OPCML: variants seen among roughly 807,000 people sequenced by gnomAD.
The protein encoded by OPCML is opioid-binding protein/cell adhesion molecule.
OPCML carries 13 observed loss-of-function variants against 37.8 expected under a neutral mutation model. The ratio of observed to expected loss-of-function variants is 0.34; its 90% CI spans 0.22 to 0.55. The LOEUF (loss-of-function observed/expected upper bound fraction) is 0.55. Ranked by LOEUF, OPCML falls within the 20% of genes least tolerant of loss-of-function variation. The pLI, the probability that OPCML is intolerant of heterozygous loss-of-function variation, is 0.91. For missense variants in OPCML, 341 were observed against 435.6 expected (o/e 0.78, Z 1.93); for synonymous variants, 176 against 168.8 (o/e 1.04, Z -0.33).
intron 3 of OPCML, among the ~76,000 whole-genome samples, chr11:132,638,832 T>C (rs1414925642): frequency 6.6e-6 from 1 of 152,164 alleles, no homozygotes; most frequent in Non-Finnish European, 1.5e-5. Context: ...TTAAAACCCC[T>C]AACCTCTAAG....
chr11:132,998,617 C>T (rs558754145), intron 1 of OPCML, among the ~76,000 whole-genome samples: 4 of 152,290 alleles, frequency 2.6e-5, no homozygotes, highest in African/African-American at 7.2e-5. Flanking sequence ...CTCTTCTATG[C>T]TCTGAATGTT....
chr11:133,034,234 C>A (rs1174207110), intron 1 of OPCML, among the ~76,000 whole-genome samples: 2 of 151,692 alleles, frequency 1.3e-5, no homozygotes, highest in Non-Finnish European at 2.9e-5. Context: ...GGCAGTAGAT[C>A]CCAACCAGCT....
chr11:132,862,747 C>T (rs1942361437), intron 2 of OPCML, among the ~76,000 whole-genome samples: 1 of 152,184 alleles, frequency 6.6e-6, no homozygotes, highest in Admixed American at 6.5e-5. Context: ...CTAGCCTTCC[C>T]TTGCCTCATC....
At chr11:133,219,642 C>T (rs1377863898) in intron 1 of OPCML, among the ~76,000 whole-genome samples, 2 of 152,160 alleles carry the variant, frequency 1.3e-5, no homozygotes, top group East Asian at 3.9e-4. Flanking sequence ...AACAAGCCTC[C>T]AGGCGCTGCT....
At chr11:132,880,115 T>A (rs1358967993) in intron 2 of OPCML, among the ~76,000 whole-genome samples, 1 of 152,218 alleles carries the variant, frequency 6.6e-6, no homozygotes, top group Non-Finnish European at 1.5e-5. Context: ...TATCCCTTCA[T>A]CTTTGTATTC....
chr11:132,928,199 A>T (rs1407517804), intron 2 of OPCML, among the ~76,000 whole-genome samples: 1 of 152,030 alleles, frequency 6.6e-6, no homozygotes, highest in Non-Finnish European at 1.5e-5. Context: ...AGAATGGATT[A>T]AAAAACAGCA....
intron 3 of OPCML, among the ~76,000 whole-genome samples, chr11:132,576,969 A>G (rs2096452462): frequency 6.6e-6 from 1 of 152,192 alleles, no homozygotes; most frequent in Middle Eastern, 3.4e-3. Context: ...TCACAGTCTG[A>G]CCCCATTCAG....
At chr11:133,449,625 C>T (rs1293177700) in intron 1 of OPCML, among the ~76,000 whole-genome samples, 1 of 148,268 alleles carries the variant, frequency 6.7e-6, no homozygotes, top group Admixed American at 6.6e-5. Flanking sequence ...CATTCCTTCG[C>T]TTGTAGCGGC....
At chr11:132,574,690 A>G (rs767976632) in intron 3 of OPCML, among the ~76,000 whole-genome samples, 1 of 151,972 alleles carries the variant, frequency 6.6e-6, no homozygotes. Context: ...TGTATGATCT[A>G]TCTTGAAGAA....
chr11:132,966,321 T>G (rs1946213514), intron 1 of OPCML, among the ~76,000 whole-genome samples: 1 of 152,142 alleles, frequency 6.6e-6, no homozygotes, highest in South Asian at 2.1e-4. Context: ...AATTTCCATT[T>G]TTTTAAATTT....
At chr11:132,741,200 AG>A (rs959511848) in intron 2 of OPCML, among the ~76,000 whole-genome samples, 2 of 152,168 alleles carry the variant, frequency 1.3e-5, no homozygotes, top group African/African-American at 4.8e-5. Flanking sequence ...TCTCAAATTG[AG>A]GTGAGCACTC....
intron 2 of OPCML, among the ~76,000 whole-genome samples, chr11:132,912,157 T>TAAA (rs11390129): frequency 1.3e-3 from 185 of 147,662 alleles, no homozygotes; most frequent in African/African-American, 4.3e-3. Context: ...AAGACTCCAA[T>TAAA]AAAAAAAAAA....
At chr11:133,493,632 A>C (rs1947714906) in intron 1 of OPCML, among the ~76,000 whole-genome samples, 1 of 152,206 alleles carries the variant, frequency 6.6e-6, no homozygotes, top group Admixed American at 6.5e-5. Context: ...AAAAAAAAAT[A>C]AGCATGCATT....
chr11:132,618,849 C>A (rs1055688306), intron 3 of OPCML, among the ~76,000 whole-genome samples: 2 of 151,964 alleles, frequency 1.3e-5, no homozygotes, highest in South Asian at 2.1e-4. Context: ...ATTCCTCCCC[C>A]ACTCCTTGTA....
At chr11:133,398,783 A>G (rs1945339914) in intron 1 of OPCML, among the ~76,000 whole-genome samples, 1 of 152,104 alleles carries the variant, frequency 6.6e-6, no homozygotes. Flanking sequence ...CCCAATTCCA[A>G]TAACAAAAAA....
intron 1 of OPCML, among the ~76,000 whole-genome samples, chr11:133,099,749 A>G (rs1173719691): frequency 6.6e-6 from 1 of 151,992 alleles, no homozygotes; most frequent in African/African-American, 2.4e-5. Context: ...TCCTTTGCCC[A>G]TTTTTAATGG....
chr11:132,982,583 G>A (rs190989026), intron 1 of OPCML, among the ~76,000 whole-genome samples: 1 of 151,660 alleles, frequency 6.6e-6, no homozygotes, highest in East Asian at 1.9e-4. Context: ...AAATGACCCT[G>A]AACTTGGAGG....
intron 1 of OPCML, among the ~76,000 whole-genome samples, chr11:133,144,765 C>G (rs921294629): frequency 6.6e-6 from 1 of 152,166 alleles, no homozygotes; most frequent in Non-Finnish European, 1.5e-5. Flanking sequence ...ACAAAAGAAG[C>G]TATTTTTTAC....
chr11:132,958,820 A>G (rs1946023549), intron 1 of OPCML, among the ~76,000 whole-genome samples: 1 of 92,208 alleles, frequency 1.1e-5, no homozygotes, highest in Admixed American at 1.2e-4. Context: ...TCAGGAAAAA[A>G]AGATACCTTT....
Sources: allele counts gnomAD v4.1 joint callset (sites outside exome capture counted in the v4.1 genomes callset), GRCh38; gene constraint gnomAD v4.1.1; transcripts MANE v1.5; gene names NCBI Gene and HGNC (gene_info 2026-07-23, HGNC 2026-07-21).